The following OR10J1 variants were observed in gnomAD, a reference collection of about 807,000 sequenced individuals.
OR10J1 encodes the protein olfactory receptor 10J1.
For synonymous variants in OR10J1, 202 were observed against 143.8 expected (o/e 1.40, Z -2.89); for missense variants, 474 against 376.6 (o/e 1.26, Z -2.14).
At chr1:159,426,192 G>A in the OR10J1 span, among the ~76,000 whole-genome samples, 2 of 151,538 alleles carry the variant, frequency 1.3e-5, no homozygotes, top group Non-Finnish European at 3.0e-5. Context: ...TATGGTGTAA[G>A]TAATATTCAA....
At chr1:159,432,234 G>C in the OR10J1 span, 2 of 400,922 alleles carry the variant, frequency 5.0e-6, no homozygotes, top group Non-Finnish European at 8.8e-6. Flanking sequence ...GGCTGTGACA[G>C]AGTTTACATT....
the OR10J1 span, among the ~76,000 whole-genome samples, chr1:159,413,071 G>GA: frequency 6.6e-6 from 1 of 152,036 alleles, no homozygotes; most frequent in South Asian, 2.1e-4. Context: ...TATGCAGCCA[G>GA]AAAAACACTT....
chr1:159,418,889 G>C, the OR10J1 span, among the ~76,000 whole-genome samples: 1 of 152,340 alleles, frequency 6.6e-6, no homozygotes, highest in East Asian at 1.9e-4. Context: ...AGTGTGACCT[G>C]GATGTGAGAC....
chr1:159,410,372 C>T, the OR10J1 span, among the ~76,000 whole-genome samples: 124 of 152,284 alleles, frequency 8.1e-4, no homozygotes, highest in Non-Finnish European at 1.4e-3. Flanking sequence ...GCCACAATTT[C>T]AGAGCCTGTA....
At chr1:159,432,934 A>T, upstream of OR10J1, 2 of 430,918 alleles carry the variant, frequency 4.6e-6, no homozygotes, top group Non-Finnish European at 8.3e-6. Flanking sequence ...CTTGTGCCTC[A>T]CACCTCACAG....
chr1:159,416,935 T>C, the OR10J1 span, among the ~76,000 whole-genome samples: 753 of 152,206 alleles, frequency 4.9e-3, 7 homozygotes, highest in African/African-American at 0.016. Flanking sequence ...GTCTCCTTTT[T>C]CATTTCTGAT....
At chr1:159,411,098 T>C in the OR10J1 span, among the ~76,000 whole-genome samples, 1 of 152,162 alleles carries the variant, frequency 6.6e-6, no homozygotes, top group African/African-American at 2.4e-5. Flanking sequence ...CTACATTTGC[T>C]GAGGAGAGCT....
the OR10J1 span, among the ~76,000 whole-genome samples, chr1:159,412,047 A>C: frequency 6.6e-6 from 1 of 152,088 alleles, no homozygotes; most frequent in Non-Finnish European, 1.5e-5. Flanking sequence ...CCAATAACAG[A>C]CAAACAGAGA....
At chr1:159,426,978 T>C in the OR10J1 span, among the ~76,000 whole-genome samples, 4 of 151,872 alleles carry the variant, frequency 2.6e-5, no homozygotes, top group African/African-American at 4.8e-5. Flanking sequence ...AGTATACAAA[T>C]AAAATTGAAG....
chr1:159,436,054 A>G (rs4128726), upstream of OR10J1, among the ~76,000 whole-genome samples: 10,149 of 152,172 alleles, frequency 0.067, 735 homozygotes, highest in East Asian at 0.42. Context: ...ATTAATTGCT[A>G]CTGAAGTGGT....
At chr1:159,409,804 T>G in the OR10J1 span, among the ~76,000 whole-genome samples, 1 of 152,146 alleles carries the variant, frequency 6.6e-6, no homozygotes, top group Non-Finnish European at 1.5e-5. Flanking sequence ...TTCCAGTTTT[T>G]GCCCATTCAG....
At chr1:159,432,665 G>A in the OR10J1 span, 2 of 424,968 alleles carry the variant, frequency 4.7e-6, no homozygotes, top group African/African-American at 4.0e-5. Context: ...ACATTGGCCT[G>A]AGCACAGCTA....
At chr1:159,409,107 G>T in the OR10J1 span, among the ~76,000 whole-genome samples, 1 of 151,992 alleles carries the variant, frequency 6.6e-6, no homozygotes, top group Non-Finnish European at 1.5e-5. Context: ...CACTCCATTC[G>T]TAACTGTATT....
chr1:159,405,615 G>A, the OR10J1 span: 1 of 405,824 alleles, frequency 2.5e-6, no homozygotes. Context: ...TGGAAATATA[G>A]CCATAGTGGC....
At chr1:159,422,617 A>G in the OR10J1 span, among the ~76,000 whole-genome samples, 1 of 152,124 alleles carries the variant, frequency 6.6e-6, no homozygotes, top group Non-Finnish European at 1.5e-5. Flanking sequence ...CTAGGGCAGG[A>G]CAGAGACTGG....
At chr1:159,403,175 G>A in the OR10J1 span, among the ~76,000 whole-genome samples, 2 of 151,984 alleles carry the variant, frequency 1.3e-5, no homozygotes, top group Non-Finnish European at 2.9e-5. Flanking sequence ...AAACATTGGG[G>A]AAAATCTCTA....
chr1:159,436,012 G>A (rs1655727510), upstream of OR10J1, among the ~76,000 whole-genome samples: 1 of 152,158 alleles, frequency 6.6e-6, no homozygotes, highest in African/African-American at 2.4e-5. Context: ...AGGCCTATGT[G>A]AGACAAAAAT....
chr1:159,416,074 G>GT, the OR10J1 span, among the ~76,000 whole-genome samples: 5 of 151,450 alleles, frequency 3.3e-5, no homozygotes, highest in Admixed American at 6.6e-5. Context: ...GATTTAAGAG[G>GT]TTTTTTTTGG....
chr1:159,397,943 G>A, the OR10J1 span, among the ~76,000 whole-genome samples: 1 of 152,190 alleles, frequency 6.6e-6, no homozygotes, highest in African/African-American at 2.4e-5. Flanking sequence ...GCAGGCCTTG[G>A]GCAAGCCCCA....
Sources: allele counts gnomAD v4.1 joint callset (sites outside exome capture counted in the v4.1 genomes callset), GRCh38; gene constraint gnomAD v4.1.1; transcripts MANE v1.5; gene names NCBI Gene and HGNC (gene_info 2026-07-23, HGNC 2026-07-21).